The following DAB1 variants were observed in gnomAD, a reference collection of about 807,000 sequenced individuals.
The protein encoded by DAB1 is DAB adaptor protein 1.
Under a neutral mutation model 64.6 loss-of-function variants are expected in DAB1, and 15 were observed. The ratio of observed to expected loss-of-function variants is 0.23; its 90% CI spans 0.16 to 0.36. The LOEUF is 0.36. Among genes scored for constraint, DAB1 ranks in the 10% least tolerant of loss-of-function variants. The pLI is 1.00. For synonymous variants in DAB1, 235 were observed against 251.9 expected (o/e 0.93, Z 0.64); for missense variants, 596 against 706.7 (o/e 0.84, Z 1.78).
At chr1:57,146,848 T>A (rs1458072408) in intron 2 of DAB1, among the ~76,000 whole-genome samples, 3 of 152,148 alleles carry the variant, frequency 2.0e-5, no homozygotes, top group African/African-American at 7.2e-5. Flanking sequence ...CATCCTTGTT[T>A]GGAATCATAG....
intron 4 of DAB1, among the ~76,000 whole-genome samples, chr1:58,171,871 G>A (rs574255314): frequency 5.3e-5 from 8 of 152,312 alleles, no homozygotes; most frequent in African/African-American, 4.8e-5. Flanking sequence ...AGGCATCTAG[G>A]TTGAAGGCCC....
At chr1:57,203,111 T>C (rs1015899185) in intron 2 of DAB1, among the ~76,000 whole-genome samples, 4 of 152,072 alleles carry the variant, frequency 2.6e-5, no homozygotes, top group African/African-American at 9.7e-5. Context: ...CAGCAAACAG[T>C]GGGAACAGAG....
chr1:57,276,526 A>C (rs542636679), intron 2 of DAB1, among the ~76,000 whole-genome samples: 1 of 152,348 alleles, frequency 6.6e-6, no homozygotes, highest in South Asian at 2.1e-4. Flanking sequence ...AAATGAATAA[A>C]ATATGTTTGT....
intron 7 of DAB1, among the ~76,000 whole-genome samples, chr1:57,464,491 T>C (rs1241765437): frequency 1.3e-5 from 2 of 152,186 alleles, no homozygotes; most frequent in Non-Finnish European, 2.9e-5. Flanking sequence ...GAATTGCTTA[T>C]AGAATCTTCC....
chr1:57,158,864 C>A (rs570254303), intron 2 of DAB1, among the ~76,000 whole-genome samples: 3 of 152,320 alleles, frequency 2.0e-5, no homozygotes, highest in African/African-American at 7.2e-5. Context: ...ATGACTCATG[C>A]ACACATTTTC....
intron 7 of DAB1, among the ~76,000 whole-genome samples, chr1:57,578,496 G>A (rs1341321): frequency 0.88 from 133,319 of 152,220 alleles, 60,052 homozygotes; most frequent in East Asian, 1. Flanking sequence ...TATCTTCATA[G>A]AACTTATGTT....
At chr1:57,519,320 G>A (rs961589270) in intron 7 of DAB1, among the ~76,000 whole-genome samples, 36 of 152,142 alleles carry the variant, frequency 2.4e-4, no homozygotes, top group African/African-American at 8.0e-4. Flanking sequence ...TAAGCCTGCC[G>A]GTGCCCTGAC....
chr1:57,351,705 T>A (rs772575953), intron 1 of DAB1, among the ~76,000 whole-genome samples: 16 of 152,118 alleles, frequency 1.1e-4, no homozygotes, highest in South Asian at 2.1e-4. Flanking sequence ...TCATGTGATT[T>A]TTCCAGAGCA....
chr1:58,336,704 T>C (rs1270384452), intron 4 of DAB1, among the ~76,000 whole-genome samples: 5 of 152,214 alleles, frequency 3.3e-5, no homozygotes, highest in African/African-American at 1.2e-4. Context: ...CTTTTTTTTA[T>C]ATTTAGGATA....
intron 5 of DAB1, among the ~76,000 whole-genome samples, chr1:57,939,281 T>G (rs1185107730): frequency 6.6e-6 from 1 of 152,106 alleles, no homozygotes; most frequent in African/African-American, 2.4e-5. Flanking sequence ...CATGACTCAA[T>G]TATGTCCCCA....
intron 7 of DAB1, among the ~76,000 whole-genome samples, chr1:57,532,774 T>C (rs1236059882): frequency 6.6e-6 from 1 of 152,178 alleles, no homozygotes; most frequent in East Asian, 1.9e-4. Flanking sequence ...GTCCACCTTG[T>C]AGAATTGTGA....
intron 4 of DAB1, among the ~76,000 whole-genome samples, chr1:57,110,233 A>G (rs747589432): frequency 6.6e-6 from 1 of 152,198 alleles, no homozygotes; most frequent in African/African-American, 2.4e-5. Flanking sequence ...ACTAGGCCAC[A>G]TGTTCAAGAG....
intron 3 of DAB1, among the ~76,000 whole-genome samples, chr1:58,421,793 A>C (rs778187700): frequency 6.6e-6 from 1 of 152,222 alleles, no homozygotes; most frequent in Admixed American, 6.5e-5. Flanking sequence ...GAGAAGTCGC[A>C]GAGATAAGAG....
intron 4 of DAB1, among the ~76,000 whole-genome samples, chr1:58,159,112 G>T (rs1655375051): frequency 6.6e-6 from 1 of 152,152 alleles, no homozygotes; most frequent in South Asian, 2.1e-4. Context: ...AACTGAACAA[G>T]AATTCTGTCT....
chr1:57,861,082 G>T (rs1483465024), intron 1 of DAB1: 6 of 152,288 alleles, frequency 3.9e-5, no homozygotes, highest in Non-Finnish European at 7.3e-5. Context: ...GCCGAGGGTG[G>T]GGGAGGCAAG....
chr1:57,670,926 T>C (rs1442952557), intron 6 of DAB1, among the ~76,000 whole-genome samples: 1 of 152,158 alleles, frequency 6.6e-6, no homozygotes, highest in East Asian at 1.9e-4. Context: ...TAAAATGGCA[T>C]AGTATTTGCA....
intron 1 of DAB1, chr1:58,527,452 C>T: frequency 1.6e-6 from 1 of 641,508 alleles, no homozygotes; most frequent in East Asian, 2.7e-5. Flanking sequence ...AATTCCTATA[C>T]TGTCTACTAA....
At chr1:57,169,382 T>C (rs879310966) in intron 2 of DAB1, among the ~76,000 whole-genome samples, 41 of 152,334 alleles carry the variant, frequency 2.7e-4, no homozygotes, top group Admixed American at 2.3e-3. Flanking sequence ...TCCCATAATG[T>C]AGTCACTGTT....
At chr1:58,489,690 C>G (rs1373468372) in intron 3 of DAB1, among the ~76,000 whole-genome samples, 2 of 152,314 alleles carry the variant, frequency 1.3e-5, no homozygotes, top group South Asian at 4.1e-4. Context: ...GGAGGCACCC[C>G]CCAGTAGGGG....
Sources: gnomAD v4.1 joint callset for allele counts (sites outside exome capture counted in the v4.1 genomes callset) on GRCh38, gnomAD v4.1.1 for gene constraint, MANE v1.5 for transcripts, NCBI Gene and HGNC (gene_info 2026-07-23, HGNC 2026-07-21) for gene names.